HDAC9: variants seen among roughly 807,000 people sequenced by gnomAD.
The protein encoded by HDAC9 is MEF-2 interacting transcription repressor (MITR) protein.
Under a neutral mutation model 139.4 loss-of-function variants are expected in HDAC9, and 41 were observed. The observed-to-expected ratio is 0.29, with a 90% confidence interval of 0.23 to 0.38. The LOEUF is 0.38. Ranked by LOEUF, HDAC9 falls within the 10% of genes least tolerant of loss-of-function variation. HDAC9 has a pLI of 1.00. For synonymous variants in HDAC9, 517 were observed against 476.2 expected (o/e 1.09, Z -1.12); for missense variants, 1,147 against 1,297.0 (o/e 0.88, Z 1.78).
chr7:18,461,139 CAT>C (rs1330401776), intron 1 of HDAC9, among the ~76,000 whole-genome samples: 1 of 152,112 alleles, frequency 6.6e-6, no homozygotes, highest in Admixed American at 6.5e-5. Context: ...TACATACACA[CAT>C]ATATTTCTCT....
At chr7:18,992,403 A>G (rs980156450) in intron 25 of HDAC9, among the ~76,000 whole-genome samples, 1 of 152,226 alleles carries the variant, frequency 6.6e-6, no homozygotes, top group Non-Finnish European at 1.5e-5. Flanking sequence ...GCACATGTGT[A>G]TAAAGTTAAA....
chr7:18,867,465 T>G (rs1467397747), intron 21 of HDAC9, among the ~76,000 whole-genome samples: 1 of 152,218 alleles, frequency 6.6e-6, no homozygotes, highest in Non-Finnish European at 1.5e-5. Flanking sequence ...AGTATTTAAG[T>G]CACATACTTA....
At chr7:18,800,490 T>C (rs1024437577) in intron 17 of HDAC9, among the ~76,000 whole-genome samples, 3 of 152,186 alleles carry the variant, frequency 2.0e-5, no homozygotes, top group East Asian at 1.9e-4. Context: ...TCTGAGCATA[T>C]GTTTACATTT....
intron 1 of HDAC9, among the ~76,000 whole-genome samples, chr7:18,329,728 TTA>T (rs1800765272): frequency 6.6e-6 from 1 of 151,728 alleles, no homozygotes; most frequent in Non-Finnish European, 1.5e-5. Flanking sequence ...TGGATCCAGA[TTA>T]TGTCTTTTGA....
chr7:18,686,778 C>T (rs548129769), intron 12 of HDAC9, among the ~76,000 whole-genome samples: 27 of 151,986 alleles, frequency 1.8e-4, no homozygotes, highest in African/African-American at 5.8e-4. Context: ...TAGTAAAACA[C>T]TATGTTTAAA....
chr7:18,789,557 C>A (rs1792125944), intron 16 of HDAC9, among the ~76,000 whole-genome samples: 1 of 152,148 alleles, frequency 6.6e-6, no homozygotes, highest in South Asian at 2.1e-4. Flanking sequence ...TTTCCAGCCT[C>A]ATCTATTACA....
At chr7:18,278,722 G>T (rs1328668052) in intron 2 of HDAC9, among the ~76,000 whole-genome samples, 2 of 152,030 alleles carry the variant, frequency 1.3e-5, no homozygotes, top group Non-Finnish European at 2.9e-5. Context: ...GGAATTTTCT[G>T]TGCTGAAGTC....
intron 1 of HDAC9, among the ~76,000 whole-genome samples, chr7:18,154,800 T>C (rs1052087122): frequency 6.6e-6 from 1 of 152,208 alleles, no homozygotes; most frequent in Non-Finnish European, 1.5e-5. Flanking sequence ...TTAATTACAA[T>C]GATGGCTAAA....
chr7:18,903,769 T>G (rs1488727411), intron 22 of HDAC9, among the ~76,000 whole-genome samples: 1 of 152,232 alleles, frequency 6.6e-6, no homozygotes, highest in Non-Finnish European at 1.5e-5. Context: ...ATCTCTTCTC[T>G]CTTTCATTGT....
intron 24 of HDAC9, among the ~76,000 whole-genome samples, chr7:18,964,468 G>C (rs1421171753): frequency 6.6e-6 from 1 of 152,130 alleles, no homozygotes; most frequent in Non-Finnish European, 1.5e-5. Context: ...CAACCTGTAA[G>C]ATCTATGAAA....
chr7:18,652,878 A>G (rs1789762651), intron 11 of HDAC9, among the ~76,000 whole-genome samples: 1 of 152,138 alleles, frequency 6.6e-6, no homozygotes, highest in Non-Finnish European at 1.5e-5. Flanking sequence ...AAGCACTAAG[A>G]AAACAACCTT....
intron 16 of HDAC9, among the ~76,000 whole-genome samples, chr7:18,786,902 G>A (rs1439651977): frequency 2.1e-5 from 3 of 146,126 alleles, no homozygotes; most frequent in African/African-American, 7.5e-5. Flanking sequence ...CCCTGCTGAT[G>A]CACATTACCG....
chr7:18,820,310 A>G (rs1794867751), intron 17 of HDAC9, among the ~76,000 whole-genome samples: 1 of 152,184 alleles, frequency 6.6e-6, no homozygotes, highest in African/African-American at 2.4e-5. Context: ...CCAAGGAGAA[A>G]CTTGGTTCTA....
intron 1 of HDAC9, among the ~76,000 whole-genome samples, chr7:18,415,181 C>T (rs1003107255): frequency 2.6e-5 from 4 of 152,090 alleles, no homozygotes; most frequent in Admixed American, 2.0e-4. Flanking sequence ...TTTCTAATGG[C>T]GTTACTTATA....
At chr7:18,784,854 C>T (rs1585031947) in intron 16 of HDAC9, among the ~76,000 whole-genome samples, 1 of 151,992 alleles carries the variant, frequency 6.6e-6, no homozygotes, top group African/African-American at 2.4e-5. Context: ...TTTCCATGTA[C>T]TCCCAGCCTG....
intron 2 of HDAC9, among the ~76,000 whole-genome samples, chr7:18,544,974 G>A (rs1183310914): frequency 6.6e-6 from 1 of 152,194 alleles, no homozygotes. Flanking sequence ...CTGAGCGGTG[G>A]TGGAGTGATG....
At chr7:18,446,936 A>G (rs1792352232) in intron 1 of HDAC9, among the ~76,000 whole-genome samples, 2 of 152,216 alleles carry the variant, frequency 1.3e-5, no homozygotes, top group African/African-American at 4.8e-5. Flanking sequence ...CTACTATGAA[A>G]AAAAGATTCA....
At chr7:18,138,364 G>T (rs1785605574) in intron 1 of HDAC9, among the ~76,000 whole-genome samples, 1 of 151,940 alleles carries the variant, frequency 6.6e-6, no homozygotes, top group Non-Finnish European at 1.5e-5. Context: ...TCTTCTGCTG[G>T]TGCCAAGACA....
At position 18,823,226 on chromosome 7, in the gene HDAC9, G is replaced by T. The variant is rs551748053; in HGVS notation, c.2323-5935G>T. Among the ~76,000 whole-genome samples the T allele has an allele frequency of 2.0e-4, 31 of 152,258 alleles. No homozygotes were observed. The South Asian group carries it at 4.1e-3, about 20-fold the overall frequency. ...AGAATGTAGACATTGTATTTGAATT[G>T]CTGCTACTATCTAGTGAAATAAGAA... On this transcript the variant is annotated intron_variant, in intron 17 of 25. Coordinates refer to ENST00000686413, the MANE Select transcript of HDAC9 (RefSeq NM_178425.4).
Sources: allele counts gnomAD v4.1 joint callset (sites outside exome capture counted in the v4.1 genomes callset), GRCh38; gene constraint gnomAD v4.1.1; transcripts MANE v1.5; gene names NCBI Gene and HGNC (gene_info 2026-07-23, HGNC 2026-07-21).